MYT1L: variants seen among roughly 807,000 people sequenced by gnomAD.
The protein encoded by MYT1L is myelin transcription factor 1 like.
Under a neutral mutation model 126.7 loss-of-function variants are expected in MYT1L, and 12 were observed. The ratio of observed to expected loss-of-function variants is 0.09; its 90% CI spans 0.06 to 0.15. The LOEUF (loss-of-function observed/expected upper bound fraction) is 0.15. Ranked by LOEUF, MYT1L falls within the 10% of genes least tolerant of loss-of-function variation. The pLI, the probability that MYT1L is intolerant of heterozygous loss-of-function variation, is 1.00. For synonymous variants in MYT1L, 541 were observed against 604.2 expected (o/e 0.90, Z 1.53); for missense variants, 979 against 1,585.2 (o/e 0.62, Z 6.49).
At chr2:2,157,586 T>A (rs1559172996) in intron 3 of MYT1L, among the ~76,000 whole-genome samples, 1 of 152,126 alleles carries the variant, frequency 6.6e-6, no homozygotes, top group African/African-American at 2.4e-5. Flanking sequence ...CAGAGGCCAG[T>A]GAGAAAGTCA....
chr2:1,858,844 G>T (rs542518083), intron 18 of MYT1L, among the ~76,000 whole-genome samples: 2 of 152,248 alleles, frequency 1.3e-5, no homozygotes, highest in Non-Finnish European at 2.9e-5. Context: ...TATTTTCCAA[G>T]CCACCTTTTG....
chr2:1,892,590 T>C (rs1179805345), intron 14 of MYT1L, among the ~76,000 whole-genome samples: 2 of 147,618 alleles, frequency 1.4e-5, no homozygotes, highest in Admixed American at 6.8e-5. Context: ...GGCGGTCACC[T>C]GGTCCCTCGA....
intron 3 of MYT1L, among the ~76,000 whole-genome samples, chr2:2,079,818 A>G (rs1451496357): frequency 6.6e-6 from 1 of 152,150 alleles, no homozygotes; most frequent in African/African-American, 2.4e-5. Context: ...TCTCAAAAAA[A>G]AAAAAGAAAG....
intron 4 of MYT1L, among the ~76,000 whole-genome samples, chr2:2,007,006 A>G (rs1574464564): frequency 6.6e-6 from 1 of 152,004 alleles, no homozygotes; most frequent in East Asian, 1.9e-4. Flanking sequence ...AAATAGCAGG[A>G]TTGCATTCTT....
rs1553610292 is a variant in MYT1L at position 2,262,932 on chromosome 2, A to ATATAT, written c.-421+21471_-421+21472insATATA. ...GAGGCACAAATATATATATATATAT[A>ATATAT]ACCTGTGATATATATATATATATCA... On this transcript the variant is annotated intron_variant, in intron 2 of 24. Coordinates refer to ENST00000647738, the MANE Select transcript of MYT1L (RefSeq NM_001303052.2). Among the ~76,000 whole-genome samples the ATATAT allele has an allele frequency of 2.2e-3, 92 of 41,200 alleles. 17 individuals carry two copies. Among genetic ancestry groups the ATATAT allele is most frequent in the African/African-American group, 8.9e-3 (84 of 9,406 alleles). 27.0% of individuals were successfully genotyped at this position (41,200 alleles called of 152,430 possible).
chr2:1,837,289 C>T (rs2041036215), intron 21 of MYT1L, among the ~76,000 whole-genome samples: 1 of 152,218 alleles, frequency 6.6e-6, no homozygotes, highest in African/African-American at 2.4e-5. Flanking sequence ...CAGCTCTGAA[C>T]CAGTGCCGTC....
At chr2:1,921,387 T>C (rs1282557120) in intron 10 of MYT1L, among the ~76,000 whole-genome samples, 1 of 152,172 alleles carries the variant, frequency 6.6e-6, no homozygotes, top group Non-Finnish European at 1.5e-5. Flanking sequence ...TTTACAAACA[T>C]GAAGACAATC....
intron 1 of MYT1L, among the ~76,000 whole-genome samples, chr2:2,310,166 T>C (rs1311258184): frequency 6.6e-6 from 1 of 151,476 alleles, no homozygotes; most frequent in African/African-American, 2.5e-5. Context: ...CCACCTACAC[T>C]TCAGTATACT....
At chr2:1,807,402 G>A (rs2035887165) in intron 22 of MYT1L, among the ~76,000 whole-genome samples, 2 of 152,154 alleles carry the variant, frequency 1.3e-5, no homozygotes, top group Non-Finnish European at 2.9e-5. Context: ...GCTCAGGTGT[G>A]GCTCACTCTT....
At chr2:2,072,315 T>C (rs569872349) in intron 3 of MYT1L, among the ~76,000 whole-genome samples, 1 of 152,328 alleles carries the variant, frequency 6.6e-6, no homozygotes, top group South Asian at 2.1e-4. Context: ...AATTCTTAAA[T>C]GTATGCTGAG....
chr2:2,265,713 T>C (rs1288631592), intron 2 of MYT1L, among the ~76,000 whole-genome samples: 3 of 152,198 alleles, frequency 2.0e-5, no homozygotes, highest in Non-Finnish European at 4.4e-5. Flanking sequence ...AATATGGATA[T>C]TTTATATGGT....
chr2:2,201,509 C>G (rs113092141), intron 2 of MYT1L, among the ~76,000 whole-genome samples: 1,774 of 152,116 alleles, frequency 0.012, 17 homozygotes, highest in Non-Finnish European at 0.016. Flanking sequence ...ACCAGCCTGG[C>G]AAACACAGTG....
In MYT1L at chr2:1,797,003, G is replaced by T. The variant is rs538187593; in HGVS notation, c.3277-4539C>A. Among the ~76,000 whole-genome samples the T allele has an allele frequency of 1.5e-4, 23 of 152,282 alleles. No individual in the cohort carries two copies. The South Asian group carries it at 4.8e-3, about 32-fold the overall frequency. On this transcript the variant is annotated intron_variant, in intron 23 of 24. Coordinates refer to ENST00000647738, the MANE Select transcript of MYT1L (RefSeq NM_001303052.2). ...CTGGGGCCGAGGGCAAGCTTTTCTT[G>T]TCTCTGCTCCGGGCTCTGGTGTGAA...
chr2:2,170,165 T>A (rs1166690368), intron 3 of MYT1L, among the ~76,000 whole-genome samples: 1 of 152,184 alleles, frequency 6.6e-6, no homozygotes, highest in Non-Finnish European at 1.5e-5. Flanking sequence ...TAGACTGTCA[T>A]GCGAGTTTGC....
chr2:2,261,142 CGT>C (rs10604026), intron 2 of MYT1L, among the ~76,000 whole-genome samples: 50,077 of 148,880 alleles, frequency 0.34, 8,683 homozygotes, highest in East Asian at 0.72. Flanking sequence ...TGTGTGAGTG[CGT>C]GTGTGTGTGT....
chr2:2,264,609 G>T (rs986584549), intron 2 of MYT1L, among the ~76,000 whole-genome samples: 12 of 152,156 alleles, frequency 7.9e-5, no homozygotes, highest in Admixed American at 2.6e-4. Flanking sequence ...GGCCCAAGCT[G>T]CTCAGAGCCA....
At chr2:1,913,037 C>T (rs1005598411) in intron 11 of MYT1L, among the ~76,000 whole-genome samples, 1 of 152,212 alleles carries the variant, frequency 6.6e-6, no homozygotes, top group Non-Finnish European at 1.5e-5. Context: ...TCCCTGACAG[C>T]AAGGTTTACC....
At chr2:2,036,876 G>C (rs1486059876) in intron 4 of MYT1L, among the ~76,000 whole-genome samples, 1 of 152,142 alleles carries the variant, frequency 6.6e-6, no homozygotes, top group Non-Finnish European at 1.5e-5. Context: ...TTCAATTTAA[G>C]ACTCATTGTG....
At chr2:1,862,519 G>A (rs28712765) in intron 18 of MYT1L, among the ~76,000 whole-genome samples, 8,715 of 152,164 alleles carry the variant, frequency 0.057, 313 homozygotes, top group Non-Finnish European at 0.072. Context: ...GGGCTCATTC[G>A]TTCCTCTTTG....
Sources: gnomAD v4.1 joint callset for allele counts (sites outside exome capture counted in the v4.1 genomes callset) on GRCh38, gnomAD v4.1.1 for gene constraint, MANE v1.5 for transcripts, NCBI Gene and HGNC (gene_info 2026-07-23, HGNC 2026-07-21) for gene names.